Variants in DAB1 observed in about 807,000 individuals in gnomAD.
The protein encoded by DAB1 is disabled homolog 1.
A neutral mutation model predicts 64.6 loss-of-function variants in DAB1; 15 were observed. The observed-to-expected ratio is 0.23, with a 90% CI of 0.16 to 0.36. The LOEUF (loss-of-function observed/expected upper bound fraction) is 0.36. Ranked by LOEUF, DAB1 falls within the 10% of genes least tolerant of loss-of-function variation. DAB1 has a pLI of 1.00. For synonymous variants in DAB1, 235 were observed against 251.9 expected (o/e 0.93, Z 0.64); for missense variants, 596 against 706.7 (o/e 0.84, Z 1.78).
At chr1:57,101,687 T>C (rs556548463) in intron 4 of DAB1, among the ~76,000 whole-genome samples, 3 of 152,322 alleles carry the variant, frequency 2.0e-5, no homozygotes, top group African/African-American at 7.2e-5. Flanking sequence ...CACACATTGA[T>C]TGGTCTTCTA....
chr1:57,617,299 C>G (rs1239934445), intron 7 of DAB1, among the ~76,000 whole-genome samples: 1 of 152,066 alleles, frequency 6.6e-6, no homozygotes, highest in Non-Finnish European at 1.5e-5. Flanking sequence ...GAGAGGTTAG[C>G]CCCCTGCCTC....
intron 2 of DAB1, among the ~76,000 whole-genome samples, chr1:57,218,537 A>T (rs1020834042): frequency 7.7e-6 from 1 of 130,270 alleles, no homozygotes. Context: ...AAAAAAAAAA[A>T]AAAAAACAGA....
At chr1:58,227,595 G>A (rs956893992) in intron 4 of DAB1, among the ~76,000 whole-genome samples, 8 of 152,152 alleles carry the variant, frequency 5.3e-5, no homozygotes, top group Admixed American at 4.6e-4. Flanking sequence ...CTCATCAGGT[G>A]CCAAAGCTAC....
chr1:57,048,700 C>T (rs1204404869), intron 9 of DAB1, among the ~76,000 whole-genome samples: 1 of 152,170 alleles, frequency 6.6e-6, no homozygotes, highest in African/African-American at 2.4e-5. Flanking sequence ...GGTTTTGAGG[C>T]TCCAACTCAG....
At chr1:57,591,556 G>A (rs150603944) in intron 7 of DAB1, among the ~76,000 whole-genome samples, 111 of 152,248 alleles carry the variant, frequency 7.3e-4, no homozygotes, top group Non-Finnish European at 1.4e-3. Context: ...ATGGATCTCG[G>A]TTCAAATCCT....
intron 3 of DAB1, among the ~76,000 whole-genome samples, chr1:58,348,470 T>C (rs1644021823): frequency 6.6e-6 from 1 of 152,150 alleles, no homozygotes; most frequent in African/African-American, 2.4e-5. Flanking sequence ...GTTTTCTTGA[T>C]GTTGCTAGCA....
intron 1 of DAB1, among the ~76,000 whole-genome samples, chr1:57,396,847 C>A (rs1682849866): frequency 1.3e-5 from 2 of 152,110 alleles, no homozygotes; most frequent in Admixed American, 1.3e-4. Flanking sequence ...AGTCACTTGT[C>A]CATACTAATC....
At chr1:57,386,185 T>C (rs1251086650) in intron 1 of DAB1, among the ~76,000 whole-genome samples, 1 of 152,098 alleles carries the variant, frequency 6.6e-6, no homozygotes, top group Non-Finnish European at 1.5e-5. Flanking sequence ...GGATGGTATC[T>C]ATCCATTTAT....
intron 4 of DAB1, among the ~76,000 whole-genome samples, chr1:57,116,425 G>GCA (rs1193714825): frequency 8.2e-6 from 1 of 122,134 alleles, no homozygotes; most frequent in East Asian, 2.4e-4. Flanking sequence ...TCACGCCATT[G>GCA]CACTCCAGCC....
intron 6 of DAB1, among the ~76,000 whole-genome samples, chr1:57,775,970 C>T (rs982545230): frequency 2.6e-5 from 4 of 150,978 alleles, no homozygotes; most frequent in African/African-American, 7.3e-5. Flanking sequence ...AGTATTTATC[C>T]CTGGTAAAAT....
At chr1:57,600,749 A>C (rs1045231741) in intron 7 of DAB1, among the ~76,000 whole-genome samples, 1 of 152,228 alleles carries the variant, frequency 6.6e-6, no homozygotes. Flanking sequence ...AAAGCAGCGA[A>C]AAATTTCAAA....
intron 6 of DAB1, among the ~76,000 whole-genome samples, chr1:57,678,467 C>T (rs1278722811): frequency 6.6e-6 from 1 of 152,130 alleles, no homozygotes; most frequent in Non-Finnish European, 1.5e-5. Flanking sequence ...GAAGAACATT[C>T]TTTGCTTGCC....
chr1:57,953,299 T>C (rs537925952), intron 5 of DAB1, among the ~76,000 whole-genome samples: 1 of 152,294 alleles, frequency 6.6e-6, no homozygotes, highest in East Asian at 1.9e-4. Flanking sequence ...GGAATGATGA[T>C]AATCGTGGTG....
At chr1:57,961,617 G>A (rs925809583) in intron 5 of DAB1, among the ~76,000 whole-genome samples, 1 of 152,140 alleles carries the variant, frequency 6.6e-6, no homozygotes, top group African/African-American at 2.4e-5. Flanking sequence ...GAATTGTACT[G>A]GGACCCAAAT....
At chr1:57,397,717 G>A (rs959773071) in intron 1 of DAB1, among the ~76,000 whole-genome samples, 1 of 152,228 alleles carries the variant, frequency 6.6e-6, no homozygotes, top group Non-Finnish European at 1.5e-5. Context: ...TCTACCCCGA[G>A]TGATGAGGCA....
At chr1:57,722,359 C>G (rs769215854) in intron 6 of DAB1, among the ~76,000 whole-genome samples, 18 of 152,206 alleles carry the variant, frequency 1.2e-4, no homozygotes, top group African/African-American at 4.3e-4. Context: ...TCTAAGGAGA[C>G]AGAAGACATA....
chr1:57,623,087 C>G (rs1254222057), intron 7 of DAB1, among the ~76,000 whole-genome samples: 1 of 152,052 alleles, frequency 6.6e-6, no homozygotes, highest in East Asian at 1.9e-4. Context: ...CGTTATTTGT[C>G]ATCGGCGGAG....
chr1:57,455,975 A>G (rs1202496441), intron 7 of DAB1, among the ~76,000 whole-genome samples: 3 of 152,182 alleles, frequency 2.0e-5, no homozygotes, highest in African/African-American at 7.2e-5. Context: ...ACATTTACTC[A>G]ATAAACATTT....
At chr1:57,180,160 G>A (rs4912429) in intron 2 of DAB1, among the ~76,000 whole-genome samples, 48,154 of 152,078 alleles carry the variant, frequency 0.32, 9,345 homozygotes, top group Non-Finnish European at 0.42. Flanking sequence ...GGTAAGGCCA[G>A]CCTTAGGTGA....
Sources: allele counts gnomAD v4.1 joint callset (sites outside exome capture counted in the v4.1 genomes callset), GRCh38; gene constraint gnomAD v4.1.1; transcripts MANE v1.5; gene names NCBI Gene and HGNC (gene_info 2026-07-23, HGNC 2026-07-21).